The following ZC3H12C variants were observed in gnomAD, a reference collection of about 807,000 sequenced individuals.
The protein encoded by ZC3H12C is zinc finger CCCH-type containing 12C.
ZC3H12C carries 20 observed loss-of-function variants against 76.3 expected under a neutral mutation model. The ratio of observed to expected loss-of-function variants is 0.26; its 90% CI spans 0.18 to 0.38. The LOEUF (loss-of-function observed/expected upper bound fraction) is 0.38. Among genes scored for constraint, ZC3H12C ranks in the 10% least tolerant of loss-of-function variants. The probability of loss-of-function intolerance (pLI) is 1.00; values close to 1 mark genes in which losing one functional copy is unlikely to be tolerated. For synonymous variants in ZC3H12C, 352 were observed against 399.6 expected, an observed-to-expected ratio of 0.88 and a Z score of 1.42; for missense variants, 874 against 1,086.5, an observed-to-expected ratio of 0.80 and a Z score of 2.75.
chr11:110,117,873 CACACAT>C lies in ZC3H12C; in HGVS notation c.22-18788_22-18783del, dbSNP rs1166521124. ...CACACATATATATAATATATATACA[CACACAT>C]ATATATATTATATATATACACACAC... On this transcript the variant is annotated intron_variant, in intron 1 of 5. Transcript: ENST00000278590. 5.3e-5 allele frequency among the ~76,000 whole-genome samples: 4 copies of C among 75,182 alleles called. 1 individual carries two copies. Among genetic ancestry groups the C allele is most frequent in the Non-Finnish European group, 1.2e-4 (4 of 32,776 alleles). 49.3% of individuals were successfully genotyped at this position (75,182 alleles called of 152,430 possible). A position where few individuals can be genotyped will look rare whatever the true frequency, so the allele number is the denominator to read the frequency against.
At chr11:110,143,139 G>C (rs896778994) in intron 2 of ZC3H12C, among the ~76,000 whole-genome samples, 2 of 152,124 alleles carry the variant, frequency 1.3e-5, no homozygotes, top group Admixed American at 1.3e-4. Context: ...AAAAACTCCA[G>C]ATCCCCATGA....
intron 2 of ZC3H12C, among the ~76,000 whole-genome samples, chr11:110,147,338 C>T (rs773281204): frequency 2.0e-5 from 3 of 151,988 alleles, no homozygotes; most frequent in Non-Finnish European, 4.4e-5. Context: ...TTTGAGTCAC[C>T]GGAGCTACTA....
intron 1 of ZC3H12C, among the ~76,000 whole-genome samples, chr11:110,098,529 CCACT>C (rs1281189613): frequency 6.6e-6 from 1 of 152,198 alleles, no homozygotes; most frequent in East Asian, 1.9e-4. Context: ...CATTCACTCA[CCACT>C]CACTCACTGA....
chr11:110,135,533 A>G (rs1861942888), intron 1 of ZC3H12C, among the ~76,000 whole-genome samples: 1 of 151,120 alleles, frequency 6.6e-6, no homozygotes, highest in Non-Finnish European at 1.5e-5. Context: ...ATGTGGATAT[A>G]GTTCTTACAA....
At chr11:110,099,859 C>CA (rs56214766) in intron 1 of ZC3H12C, among the ~76,000 whole-genome samples, 151,822 of 151,822 alleles carry the variant, frequency 1, 75,911 homozygotes, top group Non-Finnish European at 1. Flanking sequence ...CAGTCCTACA[C>CA]AAAGTAATTG....
At chr11:110,095,247 A>G (rs1591452620) in intron 1 of ZC3H12C, among the ~76,000 whole-genome samples, 2 of 152,172 alleles carry the variant, frequency 1.3e-5, no homozygotes, top group East Asian at 3.8e-4. Flanking sequence ...CGTCTGCAAA[A>G]TCGGATCCCA....
chr11:110,136,451 T>C (rs1861960355), intron 1 of ZC3H12C: 1 of 545,834 alleles, frequency 1.8e-6, no homozygotes. Flanking sequence ...CTTTGTTGCC[T>C]TGGAGGAATT....
intron 4 of ZC3H12C, 118 bp downstream of exon 4, chr11:110,159,608 A>G (rs1862441551): frequency 1.2e-6 from 1 of 862,658 alleles, no homozygotes. Context: ...GTTTCTAACA[A>G]CTGATCTCCC....
intron 4 of ZC3H12C, among the ~76,000 whole-genome samples, chr11:110,161,633 C>T (rs184097692): frequency 6.6e-6 from 1 of 152,206 alleles, no homozygotes; most frequent in Admixed American, 6.5e-5. Flanking sequence ...TTCACAGAAG[C>T]CTCAAGAATA....
intron 3 of ZC3H12C, among the ~76,000 whole-genome samples, chr11:110,155,216 T>G (rs1215933897): frequency 6.6e-6 from 1 of 151,776 alleles, no homozygotes; most frequent in Non-Finnish European, 1.5e-5. Context: ...CAAGAATCGC[T>G]TGAACCCAGG....
chr11:110,103,045 A>G (rs1319829476), intron 1 of ZC3H12C, among the ~76,000 whole-genome samples: 1 of 152,248 alleles, frequency 6.6e-6, no homozygotes, highest in Non-Finnish European at 1.5e-5. Flanking sequence ...CTATTGTGAT[A>G]TTCACTTTAC....
At chr11:110,140,781 T>C (rs994804752) in intron 2 of ZC3H12C, among the ~76,000 whole-genome samples, 1 of 152,212 alleles carries the variant, frequency 6.6e-6, no homozygotes, top group Non-Finnish European at 1.5e-5. Context: ...TGAACCACTT[T>C]TGCCCATGGG....
In ZC3H12C at chr11:110,137,373, T is replaced by A. The variant is rs1466394887; in HGVS notation, c.732T>A (p.Asn244Lys). 1 of 1,612,964 alleles carries A rather than the reference T, an allele frequency of 6.2e-7. No homozygotes were observed. The highest frequency in any genetic ancestry group is 8.5e-7 in the Non-Finnish European group (1 of 1,179,654). ...MQEIVTDDGE[N>K]LRPIVIDGSN... ...AGATTGTAACAGATGATGGTGAAAA[T>A]CTGAGACCAATAGTTATTGATGGCA... The change falls in exon 2 of 6, where the codon AAT becomes AAA. Residue 244 changes from asparagine (N) to lysine (K), a missense_variant. Asn to Lys is a moderately conservative substitution (Grantham distance 94). Transcript: ENST00000278590.
In ZC3H12C at chr11:110,140,896, C is replaced by G. The variant is rs181705413; in HGVS notation, c.773+3482C>G. On this transcript the variant is annotated intron_variant, in intron 2 of 5. Transcript: ENST00000278590. ...TATTTTGCCTTTAGGAAAAATCACT[C>G]TATAGGGAAATGTAGAGAATGGATT... Among the ~76,000 whole-genome samples, 542 of 152,144 alleles carry G rather than the reference C, an allele frequency of 3.6e-3. 7 individuals carry two copies. In the South Asian group the frequency reaches 0.043, roughly 12 times the overall value.
chr11:110,137,084 C>T lies in ZC3H12C; in HGVS notation c.443C>T (p.Thr148Ile), dbSNP rs771968877. The change falls in exon 2 of 6, where the codon ACA (threonine) becomes ATA (isoleucine). Residue 148 changes from threonine to isoleucine, a missense_variant. Thr to Ile is a moderately conservative substitution (Grantham distance 89). Coordinates refer to ENST00000278590, the MANE Select transcript of ZC3H12C (RefSeq NM_033390.2). ...TTTAAACCTGAAGAGTCCCAGACTA[C>T]ATCCAAGGAAGCAAAGAAACCACCT... is the stretch of plus-strand genomic sequence containing the variant. ...QDFKPEESQT[T>I]SKEAKKPPDV... is the part of the protein sequence containing the mutation. 5.0e-6 allele frequency: 8 copies of T among 1,613,876 alleles called. No homozygotes were observed. Among genetic ancestry groups the T allele is most frequent in the Non-Finnish European group, 6.8e-6 (8 of 1,179,848 alleles).
Position 110,168,281 on chromosome 11 carries a change from T to G in ZC3H12C, c.*2544T>G, listed in dbSNP as rs761120577. On this transcript the variant is annotated 3_prime_UTR_variant, in exon 6 of 6. Transcript: ENST00000278590. ...TCCTTCAGTGTAATTAATTATGAGT[T>G]TAAAAATAGCAGTTTTCTTATGTGA... 2 of 152,150 alleles carry G rather than the reference T, an allele frequency of 1.3e-5. No individual in the cohort carries two copies. Among genetic ancestry groups the G allele is most frequent in the African/African-American group, 2.4e-5 (1 of 41,446 alleles). The allele number at this position is 152,150 out of a possible 1,614,324, so 9.4% of individuals were successfully genotyped here. A position where few individuals can be genotyped will look rare whatever the true frequency, so the allele number is the denominator to read the frequency against.
At position 110,164,428 on chromosome 11, in the gene ZC3H12C, G is replaced by C. The variant is rs754633593; in HGVS notation, c.1343G>C (p.Arg448Pro). 1.2e-6 allele frequency: 2 copies of C among 1,613,974 alleles called. No individual in the cohort carries two copies. Among genetic ancestry groups the C allele is most frequent in the Non-Finnish European group, 8.5e-7 (1 of 1,179,892 alleles). The change falls in exon 6 of 6, where the codon CGT (arginine) becomes CCT (proline). Residue 448 changes from arginine to proline, a missense_variant. Around this residue, in one of 3 missense-constraint regions of ZC3H12C, gnomAD observed 269 missense variants for 424.9 expected, o/e 0.63. Transcript: ENST00000278590. The surrounding 1 kb of genome is among the most constrained non-coding windows in gnomAD (Gnocchi z 5.7). ...CAGCGGTCAGTGGCTGATGAACTCC[G>C]TGCCATGTCTAGAAATACGGCAGCC... is the stretch of plus-strand genomic sequence containing the variant. ...QPQRSVADEL[R>P]AMSRNTAAKT...
chr11:110,169,341 T>TGG lies in ZC3H12C; in HGVS notation c.*3605_*3606insGG, dbSNP rs1485301532. On this transcript the variant is annotated 3_prime_UTR_variant, in exon 6 of 6. Coordinates refer to ENST00000278590, the MANE Select transcript of ZC3H12C (RefSeq NM_033390.2). ...TGACAGGTGGGAGGATGGCTCTGGG[T>TGG]GTGTGTGTGTGTGTGTGTGTGTGTG... is the stretch of plus-strand genomic sequence containing the variant. 4 of 18,916 alleles carry TGG rather than the reference T, an allele frequency of 2.1e-4. No homozygotes were observed. The highest frequency in any genetic ancestry group is 7.1e-4 in the African/African-American group (4 of 5,660). 1.2% of individuals were successfully genotyped at this position (18,916 alleles called of 1,614,324 possible).
At chr11:110,152,788 T>C (rs1862296815) in intron 2 of ZC3H12C, 131 bp from the exon 3 acceptor site, 2 of 1,041,086 alleles carry the variant, frequency 1.9e-6, no homozygotes, top group Admixed American at 2.7e-5. Context: ...CTCTGATCTA[T>C]AAACTCCATT....
Sources: gnomAD v4.1 joint callset for allele counts (sites outside exome capture counted in the v4.1 genomes callset) on GRCh38, gnomAD v4.1.1 for gene constraint, gnomAD v4.1.1 regional missense constraint, Gnocchi (gnomAD v3.1) non-coding constraint, MANE v1.5 for transcripts, NCBI Gene and HGNC (gene_info 2026-07-23, HGNC 2026-07-21) for gene names.